Variants in MORC1 observed in about 807,000 individuals in gnomAD.
The protein encoded by MORC1 is MORC family CW-type zinc finger protein 1.
A neutral mutation model predicts 134.9 loss-of-function variants in MORC1; 59 were observed. The ratio of observed to expected loss-of-function variants is 0.44; its 90% confidence interval spans 0.35 to 0.54. MORC1 has a LOEUF of 0.54. MORC1 is among the 20% of genes least tolerant of loss of function. The pLI, the probability that MORC1 is intolerant of heterozygous loss-of-function variation, is 0.00. For missense variants in MORC1, 947 were observed against 1,134.5 expected, an observed-to-expected ratio of 0.83 and a Z score of 2.37; for synonymous variants, 395 against 391.7, an observed-to-expected ratio of 1.01 and a Z score of -0.10.
At chr3:109,082,660 G>A (rs1950545348) in intron 8 of MORC1, among the ~76,000 whole-genome samples, 1 of 152,024 alleles carries the variant, frequency 6.6e-6, no homozygotes. Context: ...TCAAGGCTCT[G>A]CACAACAGAA....
chr3:109,058,127 T>C (rs1465951727), intron 12 of MORC1, among the ~76,000 whole-genome samples: 3 of 152,086 alleles, frequency 2.0e-5, no homozygotes, highest in Non-Finnish European at 4.4e-5. Flanking sequence ...TGGTAAGGAG[T>C]TATGATATAA....
intron 24 of MORC1, among the ~76,000 whole-genome samples, chr3:108,971,647 T>C (rs890356311): frequency 1.3e-5 from 2 of 152,188 alleles, no homozygotes; most frequent in African/African-American, 4.8e-5. Flanking sequence ...AAGGAACTGG[T>C]CTGTATCTTG....
At chr3:109,017,173 TC>T (rs1253475933) in intron 17 of MORC1, among the ~76,000 whole-genome samples, 1 of 148,404 alleles carries the variant, frequency 6.7e-6, no homozygotes, top group African/African-American at 2.5e-5. Context: ...TGGCAATCAA[TC>T]GCCTTTCTGT....
intron 8 of MORC1, among the ~76,000 whole-genome samples, chr3:109,079,423 A>G (rs1408283562): frequency 6.6e-6 from 1 of 152,132 alleles, no homozygotes; most frequent in Admixed American, 6.5e-5. Context: ...TACAGCTATT[A>G]TGCAGAAAAG....
chr3:109,019,619 G>C (rs866968366), intron 17 of MORC1, among the ~76,000 whole-genome samples: 1 of 152,200 alleles, frequency 6.6e-6, no homozygotes, highest in Non-Finnish European at 1.5e-5. Flanking sequence ...TCATGGTTCT[G>C]CAGTTTCCTA....
chr3:109,106,141 A>AT, intron 3 of MORC1, among the ~76,000 whole-genome samples: 1 of 152,194 alleles, frequency 6.6e-6, no homozygotes, highest in Non-Finnish European at 1.5e-5. Flanking sequence ...AGAAATTGGT[A>AT]TTTTCTCGTA....
rs753577575 is a variant in MORC1 at position 109,063,149 on chromosome 3, T to C, written c.895+3A>G. The C allele has an allele frequency of 6.3e-6, 10 of 1,585,844 alleles. No individual in the cohort carries two copies. The East Asian group carries it at 1.6e-4, about 25-fold the overall frequency. The stretch of plus-strand genomic sequence containing the variant: ...ATGATGTAGGCTACAGGTAATCGCA[T>C]ACCAATCTTTACTGCTTCTTCTGCC... On this transcript the variant is annotated splice_donor_region_variant and intron_variant, in intron 10 of 27. Transcript: ENST00000232603.
chr3:108,969,759 T>C, intron 25 of MORC1, 37 bp from the exon 26 acceptor site: 3 of 1,585,074 alleles, frequency 1.9e-6, no homozygotes, highest in Non-Finnish European at 2.6e-6. Context: ...GGATATTAGC[T>C]TTTAGAGAAT....
intron 20 of MORC1, among the ~76,000 whole-genome samples, chr3:109,002,585 G>A (rs923866593): frequency 2.6e-5 from 4 of 152,200 alleles, no homozygotes; most frequent in African/African-American, 9.6e-5. Context: ...TAGGCCATGT[G>A]TGCTCTTTAT....
At chr3:109,041,263 A>T (rs1182058345) in intron 14 of MORC1, among the ~76,000 whole-genome samples, 7 of 152,100 alleles carry the variant, frequency 4.6e-5, no homozygotes, top group African/African-American at 2.4e-5. Flanking sequence ...GTGAGCCGAG[A>T]TCGCGCCACT....
intron 8 of MORC1, among the ~76,000 whole-genome samples, chr3:109,092,559 CTT>C (rs1005687886): frequency 2.6e-5 from 4 of 151,896 alleles, no homozygotes; most frequent in African/African-American, 9.7e-5. Context: ...GATTCAAAGA[CTT>C]TGGATTTAAA....
chr3:109,005,713 T>A (rs1276257828), intron 18 of MORC1, among the ~76,000 whole-genome samples: 1 of 152,224 alleles, frequency 6.6e-6, no homozygotes, highest in Non-Finnish European at 1.5e-5. Flanking sequence ...CAATGAAAGA[T>A]GTATTTGCTA....
In MORC1 at chr3:109,103,914, T is replaced by C. The variant is rs1297048201; in HGVS notation, c.158A>G (p.Asp53Gly). 15 of 1,613,396 alleles carry C rather than the reference T, an allele frequency of 9.3e-6. No individual in the cohort carries two copies. The highest frequency in any genetic ancestry group is 1.3e-5 in the African/African-American group (1 of 74,910). ...GAATCCCCCCTGCAGTTTTTCATTA[T>C]CCACTGTAAGAGAAAGCAGTTATTA... ...GAERLDVFSV[D>G]NEKLQGGFML... Residue 53 changes from aspartate (D) to glycine (G), a missense_variant, in exon 4 of 28, where the codon GAT (aspartate) becomes GGT (glycine). Coordinates refer to ENST00000232603, the MANE Select transcript of MORC1 (RefSeq NM_014429.4).
chr3:108,974,970 T>C (rs535547262), intron 24 of MORC1, among the ~76,000 whole-genome samples: 2 of 152,340 alleles, frequency 1.3e-5, no homozygotes, highest in South Asian at 4.1e-4. Flanking sequence ...CTACAAATTA[T>C]GGCCAAGCTT....
In MORC1 at chr3:109,040,485, A is replaced by AAAGAAAGAAAGAAAGAAAGAAAGAAAGG. The variant is rs61499269; in HGVS notation, c.1331-5018_1331-5017insCCTTTCTTTCTTTCTTTCTTTCTTTCTT. On this transcript the variant is annotated intron_variant, in intron 14 of 27. Coordinates refer to ENST00000232603, the MANE Select transcript of MORC1 (RefSeq NM_014429.4). ...GAAAGAAAGAAAGAAAGAAAGAAAGAAAGGAAAGAAAAGAAAGGAAGGAAG... is the reference window on the plus strand; with the variant it reads ...GAAAGAAAGAAAGAAAGAAAGAAAGAAAGAAAGAAAGAAAGAAAGAAAGAAAGGAAGGAAAGAAAAGAAAGGAAGGAAG... Among the ~76,000 whole-genome samples, 21 of 114,598 alleles carry AAAGAAAGAAAGAAAGAAAGAAAGAAAGG rather than the reference A, an allele frequency of 1.8e-4. 1 individual carries two copies. Among genetic ancestry groups the AAAGAAAGAAAGAAAGAAAGAAAGAAAGG allele is most frequent in the East Asian group, 5.9e-4 (2 of 3,414 alleles). 75.2% of individuals were successfully genotyped at this position (114,598 alleles called of 152,430 possible).
At chr3:108,983,907 C>G (rs1947825228) in intron 23 of MORC1, among the ~76,000 whole-genome samples, 1 of 152,026 alleles carries the variant, frequency 6.6e-6, no homozygotes, top group Admixed American at 6.6e-5. Flanking sequence ...AATTTAGAAC[C>G]CTTTGGGAAG....
chr3:109,020,003 G>A (rs1450356867), intron 17 of MORC1, among the ~76,000 whole-genome samples: 2 of 152,160 alleles, frequency 1.3e-5, no homozygotes, highest in African/African-American at 4.8e-5. Flanking sequence ...AACAAATGGT[G>A]GGTGAACCAT....
intron 8 of MORC1, among the ~76,000 whole-genome samples, chr3:109,082,548 GT>G: frequency 6.6e-6 from 1 of 151,972 alleles, no homozygotes; most frequent in East Asian, 1.9e-4. Flanking sequence ...ACACAAAAAA[GT>G]AATTCAGTAA....
intron 17 of MORC1, among the ~76,000 whole-genome samples, chr3:109,009,982 T>C (rs1010789617): frequency 3.3e-5 from 5 of 152,320 alleles, no homozygotes; most frequent in African/African-American, 1.2e-4. Context: ...GTGTAACTAA[T>C]TGTAAGCAAT....
Sources: allele counts gnomAD v4.1 joint callset (sites outside exome capture counted in the v4.1 genomes callset), GRCh38; gene constraint gnomAD v4.1.1; transcripts MANE v1.5; gene names NCBI Gene and HGNC (gene_info 2026-07-23, HGNC 2026-07-21).